The following POTEE variants were observed in gnomAD, a reference collection of about 807,000 sequenced individuals.
The protein encoded by POTEE is POTE ankyrin domain family member E.
A neutral mutation model predicts 74.2 loss-of-function variants in POTEE; 21 were observed. The observed-to-expected ratio is 0.28, with a 90% CI of 0.20 to 0.41. The LOEUF (loss-of-function observed/expected upper bound fraction) is 0.41, where lower values mean the gene tolerates loss of function less well. Ranked by LOEUF, POTEE falls within the 10% of genes least tolerant of loss-of-function variation. The probability of loss-of-function intolerance (pLI) is 1.00; values close to 1 mark genes in which losing one functional copy is unlikely to be tolerated. For synonymous variants in POTEE, 211 were observed against 432.8 expected (o/e 0.49, Z 6.36); for missense variants, 525 against 1,158.6 (o/e 0.45, Z 7.94).
At chr2:131,218,198 C>T (rs1700495060) in intron 3 of POTEE, 112 bp from the exon 4 acceptor site, 5 of 852,490 alleles carry the variant, frequency 5.9e-6, no homozygotes, top group South Asian at 3.7e-5. Context: ...CCAGGGGGGG[C>T]GTGGGCTTTC....
chr2:131,243,011 AC>A (rs1701273139), intron 12 of POTEE, among the ~76,000 whole-genome samples: 1 of 118,366 alleles, frequency 8.4e-6, no homozygotes, highest in Admixed American at 8.4e-5. Context: ...GAAGAAGAAG[AC>A]AAAGGGTAAA....
At chr2:131,231,852 C>T (rs1208691703) in intron 9 of POTEE, among the ~76,000 whole-genome samples, 1 of 152,098 alleles carries the variant, frequency 6.6e-6, no homozygotes, top group East Asian at 1.9e-4. Flanking sequence ...ATTTATAGTC[C>T]AAACTGTATG....
intron 13 of POTEE, among the ~76,000 whole-genome samples, chr2:131,248,384 G>A (rs1358704617): frequency 1.3e-5 from 2 of 150,704 alleles, no homozygotes; most frequent in African/African-American, 4.9e-5. Flanking sequence ...AATCTCAGAT[G>A]ATGTACAGGT....
chr2:131,226,466 A>G (rs1169097935), intron 6 of POTEE, among the ~76,000 whole-genome samples: 2 of 134,998 alleles, frequency 1.5e-5, no homozygotes, highest in African/African-American at 2.9e-5. Context: ...GGTTGAGGAT[A>G]TAGAGACAAA....
intron 2 of POTEE, among the ~76,000 whole-genome samples, chr2:131,214,246 T>C (rs1700409769): frequency 6.6e-6 from 1 of 152,280 alleles, no homozygotes; most frequent in Non-Finnish European, 1.5e-5. Context: ...TTGCGTTGTC[T>C]GACCTTTTTG....
At position 131,228,858 on chromosome 2, in the gene POTEE, A is replaced by G. The variant is rs989487635; in HGVS notation, c.1055+477A>G. Among the ~76,000 whole-genome samples the G allele has an allele frequency of 9.2e-4, 134 of 145,294 alleles. 1 individual carries two copies. The highest frequency in any genetic ancestry group is 5.4e-3 in the South Asian group (26 of 4,792). On this transcript the variant is annotated intron_variant, in intron 8 of 17. Transcript: ENST00000683005. ...AGTCAGAAGGAGGAGGAAAAAAGAC[A>G]TTGCAATCATTCTGTTGTTTCCGTT...
intron 9 of POTEE, among the ~76,000 whole-genome samples, chr2:131,231,735 A>G (rs1226684394): frequency 6.6e-6 from 1 of 152,112 alleles, no homozygotes; most frequent in African/African-American, 2.4e-5. Flanking sequence ...GTCATAATAA[A>G]TATACAAATT....
intron 9 of POTEE, among the ~76,000 whole-genome samples, chr2:131,236,012 A>G (rs1435248161): frequency 6.6e-6 from 1 of 152,082 alleles, no homozygotes; most frequent in South Asian, 2.1e-4. Context: ...ACAGCTCAGC[A>G]GATTTGCATC....
intron 4 of POTEE, among the ~76,000 whole-genome samples, chr2:131,220,533 A>G (rs865810734): frequency 3.3e-5 from 5 of 152,162 alleles, no homozygotes; most frequent in South Asian, 2.1e-4. Context: ...AAATAAGCTC[A>G]TTTTAAAATT....
At chr2:131,232,945 C>T (rs531673072) in intron 9 of POTEE, among the ~76,000 whole-genome samples, 1 of 152,120 alleles carries the variant, frequency 6.6e-6, no homozygotes, top group South Asian at 2.1e-4. Context: ...GGTCACACCA[C>T]ATGCTCATTC....
At chr2:131,256,854 A>G (rs1701588621) in intron 16 of POTEE, among the ~76,000 whole-genome samples, 1 of 152,306 alleles carries the variant, frequency 6.6e-6, no homozygotes, top group Non-Finnish European at 1.5e-5. Flanking sequence ...TTAGGATTGT[A>G]TCATCAGGAC....
intron 1 of POTEE, among the ~76,000 whole-genome samples, chr2:131,210,505 C>G (rs561888405): frequency 1.3e-5 from 2 of 151,966 alleles, no homozygotes; most frequent in South Asian, 4.2e-4. Flanking sequence ...CAGCCATGGT[C>G]TCCTTGCTCC....
chr2:131,224,759 G>A lies in POTEE; in HGVS notation c.810+716G>A, dbSNP rs1452034626. Among the ~76,000 whole-genome samples, 16 of 150,690 alleles carry A rather than the reference G, an allele frequency of 1.1e-4. 1 individual carries two copies. Among genetic ancestry groups the A allele is most frequent in the Admixed American group, 1.1e-3 (16 of 15,092 alleles). On this transcript the variant is annotated intron_variant, in intron 6 of 17. Coordinates refer to ENST00000683005, the MANE Select transcript of POTEE (RefSeq NM_001083538.3). ...ACTACCTAGAGATCAATTTTAGGAGGCCTCTGAGGAACCAGATTGGCAGTG... is the reference window on the plus strand; with the variant it reads ...ACTACCTAGAGATCAATTTTAGGAGACCTCTGAGGAACCAGATTGGCAGTG...
intron 4 of POTEE, among the ~76,000 whole-genome samples, chr2:131,222,834 C>T (rs1012027836): frequency 6.6e-6 from 1 of 151,452 alleles, no homozygotes; most frequent in East Asian, 1.9e-4. Context: ...TTCCATAGTT[C>T]TTTTAAGAAC....
chr2:131,210,512 C>T (rs1037664992), intron 1 of POTEE, among the ~76,000 whole-genome samples: 109 of 152,020 alleles, frequency 7.2e-4, no homozygotes, highest in Non-Finnish European at 1.4e-3. Context: ...GGTCTCCTTG[C>T]TCCTTCGGGT....
chr2:131,218,299 T>C lies in POTEE; in HGVS notation c.-93-11T>C, dbSNP rs534641428. On this transcript the variant is annotated splice_polypyrimidine_tract_variant and intron_variant, in intron 3 of 17. Coordinates refer to ENST00000683005, the MANE Select transcript of POTEE (RefSeq NM_001083538.3). The stretch of plus-strand genomic sequence containing the variant: ...AGGTTTTGGCTGGGATTGACATTTC[T>C]CTTCAAACAGATTGGAAACCCGGAG... 4 of 1,581,932 alleles carry C rather than the reference T, an allele frequency of 2.5e-6. No individual in the cohort carries two copies. Among genetic ancestry groups the C allele is most frequent in the East Asian group, 2.2e-5 (1 of 44,664 alleles).
Position 131,218,381 on chromosome 2 carries a change from T to C in POTEE, c.-22T>C, listed in dbSNP as rs1456135427. 6.2e-7 allele frequency: 1 copy of C among 1,612,020 alleles called. No homozygotes were observed. The highest frequency in any genetic ancestry group is 1.7e-5 in the Admixed American group (1 of 60,016). On this transcript the variant is annotated 5_prime_UTR_variant, in exon 4 of 18. Coordinates refer to ENST00000683005, the MANE Select transcript of POTEE (RefSeq NM_001083538.3). The stretch of plus-strand genomic sequence containing the variant: ...ACGCGATCTGTTGGCTACTACTGGC[T>C]TCTCCTGGCTGTTAAAAGCAGATGG...
At chr2:131,235,655 G>A (rs1701106233) in intron 9 of POTEE, among the ~76,000 whole-genome samples, 1 of 151,828 alleles carries the variant, frequency 6.6e-6, no homozygotes, top group Non-Finnish European at 1.5e-5. Context: ...AGCTGGGCAT[G>A]ATGGTACATG....
At chr2:131,230,458 A>G (rs946354820) in intron 8 of POTEE, among the ~76,000 whole-genome samples, 6 of 152,204 alleles carry the variant, frequency 3.9e-5, no homozygotes, top group African/African-American at 1.2e-4. Context: ...CTAGTGAAAT[A>G]AGGCAGCAAA....
Sources: gnomAD v4.1 joint callset for allele counts (sites outside exome capture counted in the v4.1 genomes callset) on GRCh38, gnomAD v4.1.1 for gene constraint, MANE v1.5 for transcripts, NCBI Gene and HGNC (gene_info 2026-07-23, HGNC 2026-07-21) for gene names.